The following FBXL17 variants were observed in gnomAD, a reference collection of about 807,000 sequenced individuals.
The protein encoded by FBXL17 is F-box/LRR-repeat protein 17.
In FBXL17, 22 loss-of-function variants were observed where a neutral mutation model predicts 66.2. That is an observed-to-expected ratio of 0.33 (90% confidence interval 0.24 to 0.47). The LOEUF (loss-of-function observed/expected upper bound fraction) is 0.47, where lower values mean the gene tolerates loss of function less well. Ranked by LOEUF, FBXL17 falls within the 20% of genes least tolerant of loss-of-function variation. The probability of loss-of-function intolerance (pLI) is 1.00; values close to 1 mark genes in which losing one functional copy is unlikely to be tolerated. For missense variants in FBXL17, 878 were observed against 948.2 expected (o/e 0.93, Z 0.97); for synonymous variants, 474 against 400.5 (o/e 1.18, Z -2.19).
At position 107,953,265 on chromosome 5, in the gene FBXL17, G is replaced by A. The variant is rs188797104; in HGVS notation, c.1822+67660C>T. Reference sequence around the variant, plus strand: ...AAAATACAAAAAAAATTAGCCGGGCGTGCTGGCGGGCGCCTTAGTCCCAGC... The same window carrying A: ...AAAATACAAAAAAAATTAGCCGGGCATGCTGGCGGGCGCCTTAGTCCCAGC... On this transcript the variant is annotated intron_variant, in intron 7 of 8. Transcript: ENST00000542267. Among the ~76,000 whole-genome samples, 457 of 151,912 alleles carry A rather than the reference G, an allele frequency of 3.0e-3. 1 individual carries two copies. The highest frequency in any genetic ancestry group is 3.8e-3 in the Non-Finnish European group (256 of 67,942).
intron 7 of FBXL17, among the ~76,000 whole-genome samples, chr5:107,942,032 T>C (rs893175163): frequency 6.6e-6 from 1 of 152,062 alleles, no homozygotes; most frequent in African/African-American, 2.4e-5. Flanking sequence ...AACTCAAAGG[T>C]ACCATGTTGG....
At chr5:107,872,029 C>T (rs1244376182) in intron 8 of FBXL17, among the ~76,000 whole-genome samples, 1 of 152,194 alleles carries the variant, frequency 6.6e-6, no homozygotes, top group Non-Finnish European at 1.5e-5. Context: ...AAAAATCTTT[C>T]TAAAATTGCC....
At chr5:108,235,084 G>T in intron 4 of FBXL17, among the ~76,000 whole-genome samples, 1 of 152,096 alleles carries the variant, frequency 6.6e-6, no homozygotes, top group Middle Eastern at 3.4e-3. Flanking sequence ...AGCATATCTG[G>T]GATGAAAAGG....
At chr5:108,351,492 C>G (rs575949672) in intron 3 of FBXL17, among the ~76,000 whole-genome samples, 2 of 152,294 alleles carry the variant, frequency 1.3e-5, no homozygotes, top group South Asian at 4.1e-4. Flanking sequence ...ATGTATACTT[C>G]TTCCCCTTGT....
chr5:108,268,794 T>C (rs1454004430), intron 4 of FBXL17, among the ~76,000 whole-genome samples: 2 of 151,932 alleles, frequency 1.3e-5, no homozygotes, highest in Non-Finnish European at 2.9e-5. Context: ...TCAGGGGAGG[T>C]AGAATTGTAC....
chr5:108,351,228 C>CA (rs1160506419), intron 3 of FBXL17, among the ~76,000 whole-genome samples: 1 of 151,784 alleles, frequency 6.6e-6, no homozygotes, highest in Non-Finnish European at 1.5e-5. Context: ...ACTTATTTAA[C>CA]AAAAATTATA....
At chr5:108,128,040 G>A (rs1198258397) in intron 6 of FBXL17, among the ~76,000 whole-genome samples, 2 of 152,076 alleles carry the variant, frequency 1.3e-5, no homozygotes, top group Non-Finnish European at 2.9e-5. Context: ...GAGTTCAGGA[G>A]TTTGAGACCA....
Position 108,009,231 on chromosome 5 carries a change from A to C in FBXL17, c.1822+11694T>G, listed in dbSNP as rs1754058574. ...TATATATATATATATATATATATAT[A>C]TACAGCTTGGTCGTGAGTTGTTCCC... On this transcript the variant is annotated intron_variant, in intron 7 of 8. Coordinates refer to ENST00000542267, the MANE Select transcript of FBXL17 (RefSeq NM_001163315.3). 1.1e-4 allele frequency among the ~76,000 whole-genome samples: 2 copies of C among 18,498 alleles called. 1 individual carries two copies. The highest frequency in any genetic ancestry group is 3.9e-4 in the African/African-American group (2 of 5,072). The allele number at this position is 18,498 out of a possible 152,430, so 12.1% of individuals were successfully genotyped here.
chr5:107,861,954 A>T, intron 8 of FBXL17, 94 bp from the exon 9 acceptor site: 1 of 1,301,096 alleles, frequency 7.7e-7, no homozygotes, highest in Non-Finnish European at 1.0e-6. Flanking sequence ...GCTCACTGTG[A>T]CACGAAGAGC....
At chr5:108,013,118 A>G (rs745946946) in intron 7 of FBXL17, among the ~76,000 whole-genome samples, 5 of 151,376 alleles carry the variant, frequency 3.3e-5, no homozygotes, top group Non-Finnish European at 5.9e-5. Context: ...TATCTATTTT[A>G]TCTTTATTAT....
intron 1 of FBXL17, among the ~76,000 whole-genome samples, chr5:108,374,765 T>C (rs1749304150): frequency 6.6e-6 from 1 of 152,050 alleles, no homozygotes; most frequent in African/African-American, 2.4e-5. Flanking sequence ...ATTTCACAAA[T>C]ACATGAAAAT....
intron 6 of FBXL17, among the ~76,000 whole-genome samples, chr5:108,068,482 G>A (rs974322226): frequency 1.5e-4 from 23 of 149,910 alleles, no homozygotes; most frequent in African/African-American, 5.6e-4. Flanking sequence ...GGGGAATGGA[G>A]TCTCGCTCTG....
In FBXL17 at chr5:108,178,450, C is replaced by CA. The variant is rs558286997; in HGVS notation, c.1745+7666dup. Among the ~76,000 whole-genome samples, 248 of 152,024 alleles carry CA rather than the reference C, an allele frequency of 1.6e-3. 2 individuals are homozygous for CA. Among genetic ancestry groups the CA allele is most frequent in the African/African-American group, 5.8e-3 (242 of 41,472 alleles). ...ACACATAATTGTGAATATGTGAATACAAAAAAATAGTGTCAAAAATATGCT... is the reference window on the plus strand; with the variant it reads ...ACACATAATTGTGAATATGTGAATACAAAAAAAATAGTGTCAAAAATATGCT... On this transcript the variant is annotated intron_variant, in intron 6 of 8. Transcript: ENST00000542267.
intron 8 of FBXL17, among the ~76,000 whole-genome samples, chr5:107,863,877 T>C (rs1274332808): frequency 2.0e-5 from 3 of 152,172 alleles, no homozygotes; most frequent in Admixed American, 6.5e-5. Context: ...TAGGCACCCC[T>C]TCCCAGTGCA....
chr5:108,117,817 T>C (rs1009592939), intron 6 of FBXL17, among the ~76,000 whole-genome samples: 14 of 152,164 alleles, frequency 9.2e-5, no homozygotes, highest in African/African-American at 3.4e-4. Flanking sequence ...TGTTTCATAT[T>C]TCAGTTTTTG....
chr5:107,926,289 A>C (rs1750521372), intron 7 of FBXL17, among the ~76,000 whole-genome samples: 1 of 152,148 alleles, frequency 6.6e-6, no homozygotes, highest in Non-Finnish European at 1.5e-5. Context: ...TCTTAACCCT[A>C]TACTATTCTC....
chr5:108,014,616 G>C (rs1393883731), intron 7 of FBXL17, among the ~76,000 whole-genome samples: 1 of 152,164 alleles, frequency 6.6e-6, no homozygotes, highest in Non-Finnish European at 1.5e-5. Flanking sequence ...GTCTTGGGAT[G>C]ACCTAGGCAA....
At chr5:108,241,155 T>C (rs1010661464) in intron 4 of FBXL17, among the ~76,000 whole-genome samples, 2 of 152,092 alleles carry the variant, frequency 1.3e-5, no homozygotes, top group Non-Finnish European at 2.9e-5. Context: ...ACAAACTAAA[T>C]AAGGCACCAG....
intron 4 of FBXL17, among the ~76,000 whole-genome samples, chr5:108,260,670 C>T (rs1561493204): frequency 6.6e-6 from 1 of 152,132 alleles, no homozygotes; most frequent in Admixed American, 6.5e-5. Flanking sequence ...CTTGGAATTG[C>T]TGCCACTGTC....
Sources: allele counts gnomAD v4.1 joint callset (sites outside exome capture counted in the v4.1 genomes callset), GRCh38; gene constraint gnomAD v4.1.1; transcripts MANE v1.5; gene names NCBI Gene and HGNC (gene_info 2026-07-23, HGNC 2026-07-21).